COL18A1: variants seen among roughly 807,000 people sequenced by gnomAD.
COL18A1 encodes the protein collagen alpha-1(XVIII) chain.
A neutral mutation model predicts 168.0 loss-of-function variants in COL18A1; 133 were observed. The observed-to-expected ratio is 0.79, with a 90% CI of 0.69 to 0.91. The LOEUF (loss-of-function observed/expected upper bound fraction) is 0.91, where lower values mean the gene tolerates loss of function less well. Among genes scored for constraint, COL18A1 ranks in the 40% least tolerant of loss-of-function variants. The pLI is 0.00. For synonymous variants in COL18A1, 949 were observed against 809.0 expected, an observed-to-expected ratio of 1.17 and a Z score of -2.94; for missense variants, 2,126 against 1,925.4, an observed-to-expected ratio of 1.10 and a Z score of -1.95.
rs770058099 is a variant in COL18A1, at chr21:45,480,689, C to T, written c.1453-11C>T. 1 of 1,610,862 alleles carries T rather than the reference C, an allele frequency of 6.2e-7. No homozygotes were observed. On this transcript the variant is annotated splice_polypyrimidine_tract_variant and intron_variant, in intron 12 of 41. Transcript: ENST00000651438. ...CATGGGCTGTGACTATCTGTGTTCG[C>T]CCACGTCCAGGGTCCTCGAGGCTTC...
intron 14 of COL18A1, 132 bp downstream of exon 14, chr21:45,482,157 G>C: frequency 1.4e-6 from 1 of 722,780 alleles, no homozygotes; most frequent in Admixed American, 2.3e-5. Context: ...CCACAGCCTG[G>C]GGCCTCGCGC....
chr21:45,504,089 A>G (rs1192925644), intron 33 of COL18A1, 35 bp downstream of exon 33: 1 of 1,610,098 alleles, frequency 6.2e-7, no homozygotes, highest in Non-Finnish European at 8.5e-7. Flanking sequence ...GGGGCCCCCA[A>G]GGTCCTGTAC....
In COL18A1 at chr21:45,498,774, G is replaced by GCCCAA. The variant is rs1167625100; in HGVS notation, c.2683+1117_2683+1118insACCCA. Among the ~76,000 whole-genome samples the GCCCAA allele has an allele frequency of 2.0e-5, 3 of 152,222 alleles. No individual in the cohort carries two copies. The highest frequency in any genetic ancestry group is 3.2e-3 in the Middle Eastern group (1 of 316). On this transcript the variant is annotated intron_variant, in intron 32 of 41. Coordinates refer to ENST00000651438, the MANE Select transcript of COL18A1 (RefSeq NM_001379500.1). This position sits in a 1 kb window ranked among gnomAD's most constrained non-coding sequence, Gnocchi z 4.5. ...GGCCAGTGACACACCAGACCAGGAGGCCCAGCTCATGGGGTCATCGGACCC... is the reference window on the plus strand; with the variant it reads ...GGCCAGTGACACACCAGACCAGGAGGCCCAACCCAGCTCATGGGGTCATCGGACCC...
intron 2 of COL18A1, among the ~76,000 whole-genome samples, chr21:45,450,067 C>T (rs1282375848): frequency 2.0e-5 from 3 of 152,320 alleles, no homozygotes; most frequent in South Asian, 2.1e-4. Context: ...ACTGGCTGTG[C>T]CTGCCTGGGG....
rs559683291 is a variant in COL18A1 at position 45,410,342 on chromosome 21, C to G, written c.106+4869C>G. Among the ~76,000 whole-genome samples, 271 of 152,344 alleles carry G rather than the reference C, an allele frequency of 1.8e-3. 3 individuals carry two copies. Among genetic ancestry groups the G allele is most frequent in the Non-Finnish European group, 1.2e-3 (84 of 68,030 alleles). ...CACCAGGCTGGGTGGCGGTTTGGCT[C>G]TCACCACGCCGGCTTCCAGAAGGCC... is the stretch of plus-strand genomic sequence containing the variant. On this transcript the variant is annotated intron_variant, in intron 2 of 41. Coordinates refer to ENST00000651438, the MANE Select transcript of COL18A1 (RefSeq NM_001379500.1).
intron 2 of COL18A1, among the ~76,000 whole-genome samples, chr21:45,465,385 G>C (rs1009833744): frequency 6.6e-6 from 1 of 152,200 alleles, no homozygotes; most frequent in Non-Finnish European, 1.5e-5. Context: ...TTAGCCTTCC[G>C]TGGGGGCTCT....
At chr21:45,499,237 C>T (rs554303957) in intron 32 of COL18A1, among the ~76,000 whole-genome samples, 3 of 152,274 alleles carry the variant, frequency 2.0e-5, no homozygotes, top group African/African-American at 7.2e-5. Context: ...GCAGGCCAGC[C>T]ACTCCAGACC....
chr21:45,422,732 G>T (rs1343003010), intron 2 of COL18A1: 1 of 283,304 alleles, frequency 3.5e-6, no homozygotes, highest in Non-Finnish European at 7.1e-6. Flanking sequence ...GGCCTCCTGG[G>T]TGGAGGGGCC....
chr21:45,493,442 G>A, intron 25 of COL18A1, 59 bp from the exon 26 acceptor site: 1 of 1,474,370 alleles, frequency 6.8e-7, no homozygotes, highest in Non-Finnish European at 9.3e-7. Flanking sequence ...CGGGGCTCTG[G>A]GTGAGGCTTT....
intron 2 of COL18A1, among the ~76,000 whole-genome samples, chr21:45,413,379 C>T (rs527803499): frequency 3.9e-5 from 6 of 152,370 alleles, no homozygotes; most frequent in African/African-American, 1.2e-4. Flanking sequence ...GCCCCTGTCG[C>T]GGGGACCCAG....
At chr21:45,455,503 CG>C (rs1568879104) in intron 2 of COL18A1, 2 of 1,610,112 alleles carry the variant, frequency 1.2e-6, no homozygotes, top group Non-Finnish European at 1.7e-6. Context: ...GCCCTCCCGC[CG>C]CCCGCAGCTC....
chr21:45,455,471 A>T lies in COL18A1; in HGVS notation c.107-12771A>T, dbSNP rs965991021. Reference sequence around the variant, plus strand: ...AGGGCAGGAGGGCGTGAGCCTGGCTAGCCCCACCTCCAGGCACAGAGGCCC... The same window carrying T: ...AGGGCAGGAGGGCGTGAGCCTGGCTTGCCCCACCTCCAGGCACAGAGGCCC... On this transcript the variant is annotated intron_variant, in intron 2 of 41. Coordinates refer to ENST00000651438, the MANE Select transcript of COL18A1 (RefSeq NM_001379500.1). The T allele has an allele frequency of 2.5e-6, 4 of 1,602,670 alleles. No individual in the cohort carries two copies. The African/African-American group carries it at 4.0e-5, about 16-fold the overall frequency.
At chr21:45,459,031 G>T (rs60458221) in intron 2 of COL18A1, among the ~76,000 whole-genome samples, 1 of 152,058 alleles carries the variant, frequency 6.6e-6, no homozygotes, top group Non-Finnish European at 1.5e-5. Flanking sequence ...GCTTGGTAGC[G>T]TCCCCGTGCG....
At chr21:45,411,778 A>AGGGGGGGGGGGGGGGGGGGGGGGGGGGG (rs1569273645) in intron 2 of COL18A1, among the ~76,000 whole-genome samples, 1 of 108,300 alleles carries the variant, frequency 9.2e-6, no homozygotes, top group Admixed American at 1.1e-4. Flanking sequence ...GGGGGGGGGC[A>AGGGGGGGGGGGGGGGGGGGGGGGGGGGG]GGCTGTGGTC....
At chr21:45,462,214 T>C (rs1464761443) in intron 2 of COL18A1, among the ~76,000 whole-genome samples, 2 of 152,228 alleles carry the variant, frequency 1.3e-5, no homozygotes, top group East Asian at 3.8e-4. Context: ...TTTTTGAAAG[T>C]TTGATGATAA....
intron 2 of COL18A1, among the ~76,000 whole-genome samples, chr21:45,447,581 T>G (rs1288398177): frequency 6.6e-6 from 1 of 152,118 alleles, no homozygotes; most frequent in Non-Finnish European, 1.5e-5. Context: ...CTAAATCAAC[T>G]AGAGTCCACA....
At position 45,423,962 on chromosome 21, in the gene COL18A1, C is replaced by G. The variant is rs2033704802; in HGVS notation, c.106+18489C>G. On this transcript the variant is annotated intron_variant, in intron 2 of 41. Transcript: ENST00000651438. This position sits in a 1 kb window ranked among gnomAD's most constrained non-coding sequence, Gnocchi z 4.0. ...CTGAGGCTGTAGGAGCAGCTGCCTC[C>G]CAGTGAATTCTGATGCACAGACAGG... 6.6e-6 allele frequency: 1 copy of G among 152,304 alleles called. No individual in the cohort carries two copies. Among genetic ancestry groups the G allele is most frequent in the Non-Finnish European group, 1.5e-5 (1 of 68,114 alleles). The allele number at this position is 152,304 out of a possible 1,614,324, so 9.4% of individuals were successfully genotyped here. A position where few individuals can be genotyped will look rare whatever the true frequency, so the allele number is the denominator to read the frequency against.
chr21:45,511,181 G>A lies in COL18A1; in HGVS notation c.3764G>A (p.Arg1255His), dbSNP rs757116735. ...GAGGGTCCGCTGAAGCCCGGGGCACGCATCTTCTCCTTTGACGGCAAGGAC... is the reference window on the plus strand; with the variant it reads ...GAGGGTCCGCTGAAGCCCGGGGCACACATCTTCTCCTTTGACGGCAAGGAC... ...GSEGPLKPGA[R>H]IFSFDGKDVL... Residue 1255 changes from arginine to histidine, a missense_variant, in exon 41 of 42, where the codon CGC becomes CAC. By Grantham distance (29) the Arg-to-His change is conservative. Coordinates refer to ENST00000651438, the MANE Select transcript of COL18A1 (RefSeq NM_001379500.1). 13 of 1,600,016 alleles carry A rather than the reference G, an allele frequency of 8.1e-6. No individual in the cohort carries two copies. The highest frequency in any genetic ancestry group is 2.3e-5 in the South Asian group (2 of 88,616).
chr21:45,415,783 C>T (rs745524345), intron 2 of COL18A1, among the ~76,000 whole-genome samples: 2 of 152,232 alleles, frequency 1.3e-5, no homozygotes, highest in Admixed American at 6.5e-5. Flanking sequence ...CAGTGCCTGG[C>T]GCTGCAGCCG....
Sources: allele counts gnomAD v4.1 joint callset (sites outside exome capture counted in the v4.1 genomes callset), GRCh38; gene constraint gnomAD v4.1.1; non-coding constraint Gnocchi (gnomAD v3.1); transcripts MANE v1.5; gene names NCBI Gene and HGNC (gene_info 2026-07-23, HGNC 2026-07-21).